Variants in HPSE2 observed in about 807,000 individuals in gnomAD.
HPSE2 encodes heparanase 2 (inactive), also known as inactive heparanase-2.
HPSE2 carries 38 observed loss-of-function variants against 60.5 expected under a neutral mutation model. The ratio of observed to expected loss-of-function variants is 0.63; its 90% CI spans 0.48 to 0.82. The LOEUF (loss-of-function observed/expected upper bound fraction) is 0.82. Among genes scored for constraint, HPSE2 ranks in the 40% least tolerant of loss-of-function variants. The pLI, the probability that HPSE2 is intolerant of heterozygous loss-of-function variation, is 0.00. For missense variants in HPSE2, 713 were observed against 740.4 expected (o/e 0.96, Z 0.43); for synonymous variants, 295 against 293.2 (o/e 1.01, Z -0.06).
At chr10:99,279,926 T>C in the HPSE2 span, among the ~76,000 whole-genome samples, 6 of 152,354 alleles carry the variant, frequency 3.9e-5, no homozygotes, top group African/African-American at 1.4e-4. Flanking sequence ...CACATATTTT[T>C]AAGTTGATGT....
Position 98,695,363 on chromosome 10 carries a change from G to A in HPSE2, c.957-1416C>T, listed in dbSNP as rs184224583. ...GGTTTTGCCTTTCTTTCTCCAGTAC[G>A]ATTCAGCAGTCCTCAAGCAAGAAAG... On this transcript the variant is annotated intron_variant, in intron 5 of 11. Transcript: ENST00000370552. 9.2e-3 allele frequency among the ~76,000 whole-genome samples: 1,400 copies of A among 152,220 alleles called. 24 individuals carry two copies. The highest frequency in any genetic ancestry group is 0.065 in the Middle Eastern group (19 of 294).
chr10:98,494,990 A>G (rs1380631658), intron 9 of HPSE2, among the ~76,000 whole-genome samples: 1 of 152,168 alleles, frequency 6.6e-6, no homozygotes, highest in Admixed American at 6.5e-5. Flanking sequence ...TTATTTTTTC[A>G]TACAACATTG....
intron 3 of HPSE2, among the ~76,000 whole-genome samples, chr10:98,948,006 C>T (rs1955240340): frequency 6.6e-6 from 1 of 152,062 alleles, no homozygotes; most frequent in Admixed American, 6.6e-5. Flanking sequence ...ATTTCTAATT[C>T]ACTCCCTAGA....
At chr10:99,306,666 A>C in the HPSE2 span, among the ~76,000 whole-genome samples, 1 of 152,164 alleles carries the variant, frequency 6.6e-6, no homozygotes, top group East Asian at 1.9e-4. Context: ...TGTTGAGACA[A>C]TGATCATCGC....
chr10:99,009,262 A>C (rs905711115), intron 3 of HPSE2, among the ~76,000 whole-genome samples: 3 of 151,322 alleles, frequency 2.0e-5, no homozygotes, highest in Non-Finnish European at 2.9e-5. Context: ...AAAAAAAAAA[A>C]AAAAAACATT....
chr10:98,548,002 T>C (rs953202826), intron 9 of HPSE2, among the ~76,000 whole-genome samples: 8 of 152,162 alleles, frequency 5.3e-5, no homozygotes, highest in African/African-American at 1.9e-4. Flanking sequence ...AATAGATTTA[T>C]GAGATTCCAG....
At chr10:98,763,664 T>C (rs971624552) in intron 3 of HPSE2, among the ~76,000 whole-genome samples, 6 of 151,642 alleles carry the variant, frequency 4.0e-5, no homozygotes, top group African/African-American at 9.7e-5. Flanking sequence ...ATATTTATCA[T>C]AAGAAACTAT....
chr10:98,588,081 G>C (rs571232526), intron 9 of HPSE2, among the ~76,000 whole-genome samples: 1 of 152,168 alleles, frequency 6.6e-6, no homozygotes, highest in Non-Finnish European at 1.5e-5. Context: ...ATCCAGCTTT[G>C]AGTTTCAAAT....
chr10:99,192,151 G>A (rs892109242), intron 2 of HPSE2, among the ~76,000 whole-genome samples: 4 of 152,100 alleles, frequency 2.6e-5, no homozygotes, highest in African/African-American at 9.7e-5. Context: ...TGTCCTTAAA[G>A]AAGAGGTAGA....
chr10:99,033,792 A>AT (rs960585668), intron 3 of HPSE2, among the ~76,000 whole-genome samples: 13 of 151,904 alleles, frequency 8.6e-5, no homozygotes, highest in South Asian at 2.1e-4. Context: ...CAAAAAAAAA[A>AT]AAACACAAAA....
intron 3 of HPSE2, among the ~76,000 whole-genome samples, chr10:99,131,257 C>T (rs1845373906): frequency 6.6e-6 from 1 of 152,086 alleles, no homozygotes; most frequent in African/African-American, 2.4e-5. Flanking sequence ...AAAACACAAC[C>T]ACTATGGAAA....
At chr10:99,223,372 A>C (rs1200111472) in intron 2 of HPSE2, among the ~76,000 whole-genome samples, 1 of 152,190 alleles carries the variant, frequency 6.6e-6, no homozygotes, top group Non-Finnish European at 1.5e-5. Flanking sequence ...GCTGCAGAGA[A>C]ACATTCATTC....
chr10:98,948,910 C>T (rs565822635), intron 3 of HPSE2, among the ~76,000 whole-genome samples: 1 of 151,900 alleles, frequency 6.6e-6, no homozygotes, highest in African/African-American at 2.4e-5. Flanking sequence ...TAAGAATATA[C>T]AATATAATAA....
At chr10:98,789,998 C>T (rs72836731) in intron 3 of HPSE2, among the ~76,000 whole-genome samples, 2,398 of 151,882 alleles carry the variant, frequency 0.016, 35 homozygotes, top group African/African-American at 0.033. Context: ...CTACTAAAGG[C>T]TGAGTCAGGA....
chr10:99,052,541 A>T (rs1024213456), intron 3 of HPSE2, among the ~76,000 whole-genome samples: 10 of 152,130 alleles, frequency 6.6e-5, no homozygotes, highest in Non-Finnish European at 1.5e-4. Flanking sequence ...AATTTGATTT[A>T]AAAACATTGA....
At chr10:98,981,696 C>T (rs1242641600) in intron 3 of HPSE2, among the ~76,000 whole-genome samples, 1 of 152,070 alleles carries the variant, frequency 6.6e-6, no homozygotes, top group African/African-American at 2.4e-5. Flanking sequence ...TATCTGGTAG[C>T]TATTTCTACC....
rs550258305 is a variant in HPSE2, at chr10:98,937,705, G to A, written c.611-193649C>T. 2.8e-5 allele frequency among the ~76,000 whole-genome samples: 4 copies of A among 142,018 alleles called. No homozygotes were observed. In the East Asian group the frequency reaches 8.0e-4, roughly 29 times the overall value. 93.2% of individuals were successfully genotyped at this position (142,018 alleles called of 152,430 possible). The stretch of plus-strand genomic sequence containing the variant: ...AGCAGTAACCTCTGCAGACTTAAAT[G>A]TCCCTGTCTGACAGCTTTGAAGAGA... On this transcript the variant is annotated intron_variant, in intron 3 of 11. Coordinates refer to ENST00000370552, the MANE Select transcript of HPSE2 (RefSeq NM_021828.5).
intron 2 of HPSE2, among the ~76,000 whole-genome samples, chr10:99,169,207 A>AT (rs1370468092): frequency 6.8e-6 from 1 of 147,944 alleles, no homozygotes; most frequent in Non-Finnish European, 1.5e-5. Flanking sequence ...AAAAAAAAAA[A>AT]AAAAAGTCCT....
rs1312811653 is a variant in HPSE2, at chr10:98,482,660, T to C, written c.1589A>G (p.Tyr530Cys). The change falls in exon 11 of 12, where the codon TAT becomes TGT. Residue 530 changes from tyrosine (Y) to cysteine (C), a missense_variant. Coordinates refer to ENST00000370552, the MANE Select transcript of HPSE2 (RefSeq NM_021828.5). ...CTTGGACTTTAGGCCCTCCTGCCCA[T>C]AGGGCTGCAGCAGGTACTGGTGAAC... ...KLVHQYLLQP[Y>C]GQEGLKSKSV... 4.3e-6 allele frequency: 7 copies of C among 1,614,010 alleles called. No individual in the cohort carries two copies. In the South Asian group the frequency reaches 4.4e-5, roughly 10 times the overall value.
Sources: allele counts gnomAD v4.1 joint callset (sites outside exome capture counted in the v4.1 genomes callset), GRCh38; gene constraint gnomAD v4.1.1; transcripts MANE v1.5; gene names NCBI Gene and HGNC (gene_info 2026-07-23, HGNC 2026-07-21).